ANKRD30B: variants seen among roughly 807,000 people sequenced by gnomAD.
ANKRD30B encodes ankyrin repeat domain-containing protein 30B.
ANKRD30B carries 144 observed loss-of-function variants against 202.2 expected under a neutral mutation model. The observed-to-expected ratio is 0.71, with a 90% CI of 0.62 to 0.82. The LOEUF (loss-of-function observed/expected upper bound fraction) is 0.82, where lower values mean the gene tolerates loss of function less well. Ranked by LOEUF, ANKRD30B falls within the 40% of genes least tolerant of loss-of-function variation. ANKRD30B has a pLI of 0.00. For missense variants in ANKRD30B, 1,487 were observed against 1,669.1 expected, an observed-to-expected ratio of 0.89 and a Z score of 1.90; for synonymous variants, 508 against 561.3, an observed-to-expected ratio of 0.91 and a Z score of 1.34.
chr18:14,809,532 G>A (rs1289923995), intron 26 of ANKRD30B, among the ~76,000 whole-genome samples: 2 of 150,748 alleles, frequency 1.3e-5, no homozygotes, highest in Non-Finnish European at 1.5e-5. Context: ...CATATGGACA[G>A]GCACCCCCCA....
Position 14,843,048 on chromosome 18 carries a change from G to GT in ANKRD30B, c.3135dup (p.Pro1046SerfsTer3), listed in dbSNP as rs1971485876. 6.2e-7 allele frequency: 1 copy of GT among 1,606,120 alleles called. No individual in the cohort carries two copies. Among genetic ancestry groups the GT allele is most frequent in the African/African-American group, 1.3e-5 (1 of 74,674 alleles). ...GCCTGCCACTGAAATGCAAAACTCT[G>GT]TTCCAAATAAAGGCTTAGAATGGAA... On this transcript the variant is annotated frameshift_variant, in exon 39 of 44. Coordinates refer to ENST00000690538, the MANE Select transcript of ANKRD30B (RefSeq NM_001367607.2). LOFTEE classifies it high-confidence loss of function.
rs1165938642 is a variant in ANKRD30B, at chr18:14,769,388, T to A, written c.1256+15T>A. 2.6e-6 allele frequency: 4 copies of A among 1,543,246 alleles called. No homozygotes were observed. In the South Asian group the frequency reaches 4.8e-5, roughly 19 times the overall value. On this transcript the variant is annotated intron_variant, in intron 8 of 43. Coordinates refer to ENST00000690538, the MANE Select transcript of ANKRD30B (RefSeq NM_001367607.2). Reference sequence around the variant, plus strand: ...CCTATATTCAGGTAAGACTTTGCGGTTTTTTAAAACGAATAGGTTAACTCA... The same window carrying A: ...CCTATATTCAGGTAAGACTTTGCGGATTTTTAAAACGAATAGGTTAACTCA...
At chr18:14,936,650 C>T in the ANKRD30B span, among the ~76,000 whole-genome samples, 4 of 152,120 alleles carry the variant, frequency 2.6e-5, no homozygotes, top group Non-Finnish European at 4.4e-5. Flanking sequence ...GGCTGTGGGG[C>T]AGACAATAAG....
chr18:14,928,912 A>T, the ANKRD30B span, among the ~76,000 whole-genome samples: 11 of 152,318 alleles, frequency 7.2e-5, no homozygotes, highest in Non-Finnish European at 1.5e-5. Context: ...ACCTTTGGTC[A>T]TGCGTCTCTA....
chr18:14,909,599 A>G, the ANKRD30B span, among the ~76,000 whole-genome samples: 2 of 151,946 alleles, frequency 1.3e-5, no homozygotes, highest in African/African-American at 4.8e-5. Context: ...GTACAGATGG[A>G]GTTTCACCAT....
the ANKRD30B span, chr18:14,888,862 T>C: frequency 1.1e-5 from 10 of 931,890 alleles, no homozygotes; most frequent in South Asian, 2.9e-5. Flanking sequence ...TTTCCAGAAT[T>C]AGTCCTTTGA....
At chr18:14,875,964 T>C in the ANKRD30B span, among the ~76,000 whole-genome samples, 1 of 152,004 alleles carries the variant, frequency 6.6e-6, no homozygotes, top group Non-Finnish European at 1.5e-5. Flanking sequence ...CCCCATAGAG[T>C]GCCTTTTCAT....
chr18:14,796,173 T>C (rs569159312), intron 16 of ANKRD30B, 48 bp from the exon 17 acceptor site: 1 of 1,522,516 alleles, frequency 6.6e-7, no homozygotes, highest in East Asian at 2.3e-5. Context: ...CTTGGTAGGC[T>C]TTGTCAGGCT....
chr18:14,807,853 G>A (rs1412991571), intron 24 of ANKRD30B, among the ~76,000 whole-genome samples: 1 of 150,864 alleles, frequency 6.6e-6, no homozygotes, highest in Non-Finnish European at 1.5e-5. Flanking sequence ...GTGGATGGGT[G>A]TGCTTTGACT....
Position 14,808,743 on chromosome 18 carries a change from A to C in ANKRD30B, c.2385A>C (p.Ala795=), listed in dbSNP as rs1366474428. The C allele has an allele frequency of 6.8e-7, 1 of 1,464,452 alleles. No individual in the cohort carries two copies. The highest frequency in any genetic ancestry group is 9.2e-7 in the Non-Finnish European group (1 of 1,086,636). The allele number at this position is 1,464,452 out of a possible 1,614,324, so 90.7% of individuals were successfully genotyped here. The change falls in exon 26 of 44, where the codon GCA becomes GCC. Residue 795 remains alanine, a splice_region_variant and synonymous_variant. Coordinates refer to ENST00000690538, the MANE Select transcript of ANKRD30B (RefSeq NM_001367607.2). The part of the protein sequence containing the change: ...LELKDRETLK[A]ESPDKDGLLK... Reference sequence around the variant, plus strand: ...TAAAGGACAGAGAAACACTCAAAGCAGGTAAATTTTGTAATTTAAATTTTA... The same window carrying C: ...TAAAGGACAGAGAAACACTCAAAGCCGGTAAATTTTGTAATTTAAATTTTA...
At chr18:14,903,557 C>T in the ANKRD30B span, 1 of 152,216 alleles carries the variant, frequency 6.6e-6, no homozygotes, top group Non-Finnish European at 1.5e-5. Flanking sequence ...AGATAATGAG[C>T]TAACAGGGAG....
the ANKRD30B span, among the ~76,000 whole-genome samples, chr18:14,900,007 T>C: frequency 6.6e-6 from 1 of 152,156 alleles, no homozygotes; most frequent in African/African-American, 2.4e-5. Context: ...TCATATTTGA[T>C]GTGTTTGTGG....
chr18:14,748,561 C>CG lies in ANKRD30B; in HGVS notation c.146dup (p.Gln50ProfsTer51). 1 of 1,559,882 alleles carries CG rather than the reference C, an allele frequency of 6.4e-7. No homozygotes were observed. ...AGGGAAGATCCATACAGCTGCCTCCCGGGGCCAAGTCCAGAAGCTGGAGAA... is the reference window on the plus strand; with the variant it reads ...AGGGAAGATCCATACAGCTGCCTCCCGGGGGCCAAGTCCAGAAGCTGGAGAA... On this transcript the variant is annotated frameshift_variant, in exon 1 of 44. Coordinates refer to ENST00000690538, the MANE Select transcript of ANKRD30B (RefSeq NM_001367607.2). LOFTEE classifies it high-confidence loss of function.
At chr18:14,818,166 T>C (rs1458487554) in intron 30 of ANKRD30B, among the ~76,000 whole-genome samples, 1 of 152,164 alleles carries the variant, frequency 6.6e-6, no homozygotes, top group African/African-American at 2.4e-5. Context: ...AAGCTAAGTT[T>C]TTTATAAGAG....
At chr18:14,849,700 A>G (rs1178509868) in intron 40 of ANKRD30B, among the ~76,000 whole-genome samples, 21 of 151,862 alleles carry the variant, frequency 1.4e-4, no homozygotes, top group Non-Finnish European at 3.0e-5. Flanking sequence ...CAAAAGGCAT[A>G]TGGGATGACA....
chr18:14,790,125 C>T (rs1224909574), intron 15 of ANKRD30B, among the ~76,000 whole-genome samples: 1 of 152,064 alleles, frequency 6.6e-6, no homozygotes, highest in Non-Finnish European at 1.5e-5. Flanking sequence ...AAGTTGGATT[C>T]CTAGATATTT....
At chr18:14,864,964 C>T in the ANKRD30B span, among the ~76,000 whole-genome samples, 5 of 151,868 alleles carry the variant, frequency 3.3e-5, no homozygotes, top group South Asian at 2.1e-4. Flanking sequence ...CCCCGCTTCC[C>T]GCTCACCCTC....
the ANKRD30B span, among the ~76,000 whole-genome samples, chr18:14,875,284 G>C: frequency 1.1e-4 from 16 of 152,164 alleles, no homozygotes; most frequent in Non-Finnish European, 1.9e-4. Flanking sequence ...AAGCTGAGAA[G>C]CTACATGGCC....
At chr18:14,897,299 G>C in the ANKRD30B span, among the ~76,000 whole-genome samples, 1 of 152,072 alleles carries the variant, frequency 6.6e-6, no homozygotes, top group Non-Finnish European at 1.5e-5. Context: ...TTGTTCCTCA[G>C]CCTCCCCTGT....
Sources: allele counts gnomAD v4.1 joint callset (sites outside exome capture counted in the v4.1 genomes callset), GRCh38; gene constraint gnomAD v4.1.1; transcripts MANE v1.5; gene names NCBI Gene and HGNC (gene_info 2026-07-23, HGNC 2026-07-21).